The following ZHX3 variants were observed in gnomAD, a reference collection of about 807,000 sequenced individuals.
The protein encoded by ZHX3 is zinc fingers and homeoboxes 3, also known as zinc fingers and homeoboxes protein 3.
ZHX3 carries 20 observed loss-of-function variants against 64.5 expected under a neutral mutation model. The observed-to-expected ratio is 0.31, with a 90% confidence interval of 0.22 to 0.45. The LOEUF is 0.45. ZHX3 is among the 20% of genes least tolerant of loss of function. The pLI is 1.00. For missense variants in ZHX3, 1,041 were observed against 1,195.8 expected (o/e 0.87, Z 1.91); for synonymous variants, 423 against 461.6 (o/e 0.92, Z 1.07).
rs561253992 is a variant in ZHX3 at position 41,183,634 on chromosome 20, T to TA, written c.*1556dup. The TA allele has an allele frequency of 9.4e-4, 144 of 152,424 alleles. 1 individual carries two copies. Among genetic ancestry groups the TA allele is most frequent in the South Asian group, 4.8e-3 (23 of 4,830 alleles). The allele number at this position is 152,424 out of a possible 1,614,324, so 9.4% of individuals were successfully genotyped here. On this transcript the variant is annotated 3_prime_UTR_variant, in exon 4 of 4. Coordinates refer to ENST00000683867, the MANE Select transcript of ZHX3 (RefSeq NM_001384317.1). This position sits in a 1 kb window ranked among gnomAD's most constrained non-coding sequence, Gnocchi z 5.3. ...CCCTTGCCCTCTCTCTGGGGTCTTC[T>TA]AGCACTGTCACTCTGCCCAGCCCAG... is the stretch of plus-strand genomic sequence containing the variant.
intron 3 of ZHX3, among the ~76,000 whole-genome samples, chr20:41,186,246 T>C (rs1033024586): frequency 1.3e-4 from 20 of 152,254 alleles, no homozygotes; most frequent in Non-Finnish European, 2.5e-4. Flanking sequence ...GTAAGTTGAA[T>C]GGTACAATAT....
intron 3 of ZHX3, among the ~76,000 whole-genome samples, chr20:41,187,103 G>T (rs1213306440): frequency 2.0e-5 from 3 of 152,016 alleles, no homozygotes; most frequent in Non-Finnish European, 4.4e-5. Context: ...AGGAATGCTT[G>T]AAGTCAGGAG....
At chr20:41,210,103 T>C (rs995105518) in intron 2 of ZHX3, among the ~76,000 whole-genome samples, 2 of 152,152 alleles carry the variant, frequency 1.3e-5, no homozygotes, top group African/African-American at 4.8e-5. Context: ...AAAATGCTCA[T>C]CATCACTGGC....
intron 2 of ZHX3, among the ~76,000 whole-genome samples, chr20:41,257,324 C>T (rs747303892): frequency 3.3e-5 from 5 of 152,160 alleles, no homozygotes; most frequent in Non-Finnish European, 5.9e-5. Context: ...TTTCTGCTAT[C>T]ATAGCCTCAT....
chr20:41,230,500 G>GT (rs2040538000), intron 2 of ZHX3, among the ~76,000 whole-genome samples: 1 of 152,176 alleles, frequency 6.6e-6, no homozygotes, highest in Non-Finnish European at 1.5e-5. Flanking sequence ...AGGTACTCAT[G>GT]TATGTACTGA....
intron 2 of ZHX3, among the ~76,000 whole-genome samples, chr20:41,236,090 A>G (rs1396124153): frequency 6.6e-6 from 1 of 152,184 alleles, no homozygotes; most frequent in African/African-American, 2.4e-5. Context: ...CTTCAAGGAG[A>G]ACTACAGACC....
chr20:41,261,693 G>T (rs2042571251), intron 2 of ZHX3, among the ~76,000 whole-genome samples: 1 of 152,186 alleles, frequency 6.6e-6, no homozygotes, highest in Non-Finnish European at 1.5e-5. Flanking sequence ...CATAAAGACT[G>T]ATCTTTGCCA....
In ZHX3 at chr20:41,202,773, T is replaced by C. The variant is rs1372332177; in HGVS notation, c.2144A>G (p.His715Arg). 1.9e-6 allele frequency: 3 copies of C among 1,614,174 alleles called. No individual in the cohort carries two copies. Among genetic ancestry groups the C allele is most frequent in the Non-Finnish European group, 2.5e-6 (3 of 1,180,030 alleles). ...GCTGACTTTGCGCTCTGCCAAGATA[T>C]GGCTGCTGGGCATTTCCAGAGAGCC... ...ENGSLEMPSS[H>R]ILAERKVSPI... The change falls in exon 3 of 4, where the codon CAT (histidine) becomes CGT (arginine). Residue 715 changes from histidine (H) to arginine (R), a missense_variant. His to Arg is a conservative substitution (Grantham distance 29, BLOSUM62 0). Around this residue, in one of 4 missense-constraint regions of ZHX3, gnomAD observed 649 missense variants for 739.8 expected, o/e 0.88. Coordinates refer to ENST00000683867, the MANE Select transcript of ZHX3 (RefSeq NM_001384317.1). The surrounding 1 kb of genome is among the most constrained non-coding windows in gnomAD (Gnocchi z 7.0).
intron 1 of ZHX3, among the ~76,000 whole-genome samples, chr20:41,296,870 T>C (rs2044557273): frequency 6.6e-6 from 1 of 152,230 alleles, no homozygotes; most frequent in Admixed American, 6.5e-5. Flanking sequence ...AGGTAGCCTC[T>C]TGACACTTGA....
chr20:41,190,182 C>A (rs560809281), intron 3 of ZHX3, among the ~76,000 whole-genome samples: 1 of 152,296 alleles, frequency 6.6e-6, no homozygotes, highest in African/African-American at 2.4e-5. Flanking sequence ...GCTCTTGTAG[C>A]CCAGGCGGAA....
intron 1 of ZHX3, among the ~76,000 whole-genome samples, chr20:41,296,005 A>T (rs2044498116): frequency 6.6e-6 from 1 of 152,200 alleles, no homozygotes; most frequent in African/African-American, 2.4e-5. Context: ...TTAAGTTCAT[A>T]AACAACCAAA....
chr20:41,192,571 T>C (rs768810044), intron 3 of ZHX3, among the ~76,000 whole-genome samples: 1 of 152,208 alleles, frequency 6.6e-6, no homozygotes, highest in Non-Finnish European at 1.5e-5. Context: ...GCACCATAGT[T>C]GTACCTCAGC....
At chr20:41,279,240 G>A (rs923415327) in intron 1 of ZHX3, among the ~76,000 whole-genome samples, 4 of 152,028 alleles carry the variant, frequency 2.6e-5, no homozygotes, top group African/African-American at 9.7e-5. Context: ...CATTCCACAA[G>A]AAGTATATAA....
intron 2 of ZHX3, among the ~76,000 whole-genome samples, chr20:41,234,875 T>C (rs1444444464): frequency 2.0e-5 from 3 of 152,244 alleles, no homozygotes; most frequent in Non-Finnish European, 2.9e-5. Flanking sequence ...TAAGCCTTTG[T>C]CACTGCTGAC....
intron 2 of ZHX3, among the ~76,000 whole-genome samples, chr20:41,264,385 CAAA>C (rs1165922837): frequency 1.1e-4 from 8 of 74,468 alleles, no homozygotes; most frequent in Non-Finnish European, 1.8e-4. Flanking sequence ...ACCAAAAATA[CAAA>C]AAAAAAAAAA....
chr20:41,291,127 G>A (rs2044216380), intron 1 of ZHX3, among the ~76,000 whole-genome samples: 1 of 152,192 alleles, frequency 6.6e-6, no homozygotes, highest in African/African-American at 2.4e-5. Flanking sequence ...TGATGGAGCT[G>A]AGATTTGAAT....
intron 2 of ZHX3, among the ~76,000 whole-genome samples, chr20:41,246,901 C>CA (rs1267315621): frequency 1.4e-5 from 2 of 147,018 alleles, no homozygotes; most frequent in South Asian, 2.2e-4. Context: ...AACAAACAAA[C>CA]AAACAAAAAA....
intron 1 of ZHX3, among the ~76,000 whole-genome samples, chr20:41,276,235 A>G (rs1442327756): frequency 6.7e-6 from 1 of 149,766 alleles, no homozygotes; most frequent in African/African-American, 2.5e-5. Flanking sequence ...CCCCAACCCC[A>G]CCCTTAAAAG....
rs2045325502 is a variant in ZHX3 at position 41,317,587 on chromosome 20, G to A, written c.-323C>T. ...CGGGCCTCCCTCCCCGCGGCCGGGC[G>A]GGCGGCCGGCGCAGGCCCCGCAGAG... is the stretch of plus-strand genomic sequence containing the variant. On this transcript the variant is annotated 5_prime_UTR_variant, in exon 1 of 4. Transcript: ENST00000683867. 6.8e-6 allele frequency: 1 copy of A among 147,266 alleles called. No individual in the cohort carries two copies. The highest frequency in any genetic ancestry group is 1.5e-5 in the Non-Finnish European group (1 of 66,160). 9.1% of individuals were successfully genotyped at this position (147,266 alleles called of 1,614,324 possible). A position where few individuals can be genotyped will look rare whatever the true frequency, so the allele number is the denominator to read the frequency against.
Sources: allele counts gnomAD v4.1 joint callset (sites outside exome capture counted in the v4.1 genomes callset), GRCh38; gene constraint gnomAD v4.1.1; regional missense constraint gnomAD v4.1.1; non-coding constraint Gnocchi (gnomAD v3.1); transcripts MANE v1.5; gene names NCBI Gene and HGNC (gene_info 2026-07-23, HGNC 2026-07-21).